Variants in CACNA2D3 observed in about 807,000 individuals in gnomAD.
The protein encoded by CACNA2D3 is calcium voltage-gated channel auxiliary subunit alpha2delta 3.
In CACNA2D3, 60 loss-of-function variants were observed where a neutral mutation model predicts 160.6. The ratio of observed to expected loss-of-function variants is 0.37; its 90% confidence interval spans 0.30 to 0.46. The LOEUF (loss-of-function observed/expected upper bound fraction) is 0.46, where lower values mean the gene tolerates loss of function less well. Among genes scored for constraint, CACNA2D3 ranks in the 20% least tolerant of loss-of-function variants. CACNA2D3 has a pLI of 1.00. For missense variants in CACNA2D3, 1,205 were observed against 1,365.0 expected (o/e 0.88, Z 1.85); for synonymous variants, 558 against 492.9 (o/e 1.13, Z -1.75).
intron 26 of CACNA2D3, 110 bp from the exon 27 acceptor site, chr3:54,899,655 GAGGACTCTGGGGCCTGGGACCAA>G: frequency 1.5e-6 from 1 of 656,758 alleles, no homozygotes; most frequent in Non-Finnish European, 2.7e-6. Flanking sequence ...CCACACCTCA[GAGGACTCTGGGGCCTGGGACCAA>G]GCCCCAGAAC....
rs531079233 is a variant in CACNA2D3, at chr3:55,053,492, A to G, written c.2988-19953A>G. On this transcript the variant is annotated intron_variant, in intron 35 of 37. Coordinates refer to ENST00000474759, the MANE Select transcript of CACNA2D3 (RefSeq NM_018398.3). ...CTAACAGCAATGATTCATGATTTTC[A>G]GTAGTATATAGTTCCTGCACATCTG... 1.1e-3 allele frequency among the ~76,000 whole-genome samples: 172 copies of G among 152,098 alleles called. 4 individuals are homozygous for G. In the South Asian group the frequency reaches 0.035, roughly 31 times the overall value.
intron 2 of CACNA2D3, among the ~76,000 whole-genome samples, chr3:54,238,276 G>A (rs989582373): frequency 2.6e-5 from 4 of 152,098 alleles, no homozygotes; most frequent in Admixed American, 1.3e-4. Context: ...TTTTAGTCAC[G>A]TAATCTTTTA....
chr3:54,355,040 T>C (rs1489063872), intron 3 of CACNA2D3, among the ~76,000 whole-genome samples: 1 of 152,240 alleles, frequency 6.6e-6, no homozygotes, highest in Admixed American at 6.5e-5. Flanking sequence ...ACAAACTTTA[T>C]AGTCATGGCA....
intron 17 of CACNA2D3, among the ~76,000 whole-genome samples, chr3:54,860,091 G>A (rs1044012573): frequency 6.6e-6 from 1 of 151,902 alleles, no homozygotes; most frequent in Non-Finnish European, 1.5e-5. Flanking sequence ...TTTAAATTGG[G>A]ACTGAGACCT....
chr3:54,439,022 T>C (rs532034433), intron 4 of CACNA2D3, among the ~76,000 whole-genome samples: 1 of 152,338 alleles, frequency 6.6e-6, no homozygotes, highest in East Asian at 1.9e-4. Flanking sequence ...ATTGATCACC[T>C]TGGCTGGATG....
At chr3:55,058,616 C>CAT (rs146677373) in intron 35 of CACNA2D3, among the ~76,000 whole-genome samples, 4,611 of 151,592 alleles carry the variant, frequency 0.03, 168 homozygotes, top group African/African-American at 0.086. Context: ...TTTAAAAATA[C>CAT]ATATATATAT....
intron 3 of CACNA2D3, among the ~76,000 whole-genome samples, chr3:54,375,838 G>A (rs1441368792): frequency 6.6e-6 from 1 of 152,106 alleles, no homozygotes; most frequent in Non-Finnish European, 1.5e-5. Flanking sequence ...AGAAGAGATG[G>A]CCGTGGCTTT....
At chr3:54,140,446 A>T (rs1699902329) in intron 2 of CACNA2D3, among the ~76,000 whole-genome samples, 1 of 152,108 alleles carries the variant, frequency 6.6e-6, no homozygotes, top group African/African-American at 2.4e-5. Context: ...CACTCGCCCC[A>T]CTTTCTCTCA....
intron 27 of CACNA2D3, among the ~76,000 whole-genome samples, chr3:54,944,827 G>A (rs1701573075): frequency 6.6e-6 from 1 of 152,082 alleles, no homozygotes; most frequent in African/African-American, 2.4e-5. Context: ...GTGTGTGTGT[G>A]TGTGTGTGTG....
At chr3:54,733,570 A>G (rs539275010) in intron 11 of CACNA2D3, among the ~76,000 whole-genome samples, 1 of 152,348 alleles carries the variant, frequency 6.6e-6, no homozygotes, top group African/African-American at 2.4e-5. Context: ...GAAGGTTAAC[A>G]TTAGGCCTCC....
intron 27 of CACNA2D3, among the ~76,000 whole-genome samples, chr3:54,932,079 G>A (rs1427083780): frequency 6.6e-6 from 1 of 152,144 alleles, no homozygotes; most frequent in African/African-American, 2.4e-5. Context: ...CTACTCGGGA[G>A]GCTGAGGTAG....
At chr3:54,882,490 A>G (rs961825642) in intron 21 of CACNA2D3, among the ~76,000 whole-genome samples, 2 of 152,154 alleles carry the variant, frequency 1.3e-5, no homozygotes, top group African/African-American at 2.4e-5. Context: ...TGTATGTTCC[A>G]CAGCTGTGAG....
chr3:54,799,492 GT>G (rs1476099809), intron 13 of CACNA2D3, among the ~76,000 whole-genome samples: 1 of 152,124 alleles, frequency 6.6e-6, no homozygotes, highest in Non-Finnish European at 1.5e-5. Flanking sequence ...TTCTAGTTAA[GT>G]TACTATACAG....
At chr3:54,869,890 T>C (rs2694125) in intron 17 of CACNA2D3, among the ~76,000 whole-genome samples, 83,923 of 152,146 alleles carry the variant, frequency 0.55, 25,154 homozygotes, top group East Asian at 0.87. Context: ...TTGTTTACAG[T>C]GGCTTCTGAG....
rs556129993 is a variant in CACNA2D3 at position 54,955,530 on chromosome 3, A to G, written c.2450-12920A>G. ...AAGAGAGTCCCTCCCTGCACTTAGG[A>G]TAAGAGGAGAAACAATACTAAGCTA... On this transcript the variant is annotated intron_variant, in intron 27 of 37. Coordinates refer to ENST00000474759, the MANE Select transcript of CACNA2D3 (RefSeq NM_018398.3). Among the ~76,000 whole-genome samples, 54 of 152,270 alleles carry G rather than the reference A, an allele frequency of 3.5e-4. 1 individual carries two copies. Among genetic ancestry groups the G allele is most frequent in the Middle Eastern group, 6.8e-3 (2 of 294 alleles).
chr3:54,529,458 C>T lies in CACNA2D3; in HGVS notation c.544+25804C>T, dbSNP rs531145337. Among the ~76,000 whole-genome samples, 35 of 152,300 alleles carry T rather than the reference C, an allele frequency of 2.3e-4. 1 individual carries two copies. The South Asian group carries it at 7.1e-3, about 31-fold the overall frequency. On this transcript the variant is annotated intron_variant, in intron 5 of 37. Coordinates refer to ENST00000474759, the MANE Select transcript of CACNA2D3 (RefSeq NM_018398.3). ...AGCCATTAAGAATCCAGCTTTGAAG[C>T]CCCCAAAGACCTGGATTTGACCCCT...
intron 14 of CACNA2D3, among the ~76,000 whole-genome samples, chr3:54,817,504 C>T (rs1384319020): frequency 1.3e-5 from 2 of 152,148 alleles, no homozygotes; most frequent in African/African-American, 2.4e-5. Context: ...CATAGCATGT[C>T]GTTGTATCCT....
intron 25 of CACNA2D3, chr3:54,896,516 T>C (rs899886418): frequency 2.5e-5 from 13 of 517,980 alleles, no homozygotes; most frequent in South Asian, 2.3e-4. Flanking sequence ...TCACTAGATA[T>C]ACAAGGAAAA....
chr3:54,467,853 A>G lies in CACNA2D3; in HGVS notation c.382-35639A>G, dbSNP rs1182978868. The stretch of plus-strand genomic sequence containing the variant: ...TAAGAATGACATATTCTATATTTCA[A>G]AGTAGCTGGAAGAGAGGTTTTGAAA... On this transcript the variant is annotated intron_variant, in intron 4 of 37. Transcript: ENST00000474759. 4.6e-5 allele frequency among the ~76,000 whole-genome samples: 7 copies of G among 152,322 alleles called. No homozygotes were observed. The East Asian group carries it at 7.7e-4, about 17-fold the overall frequency.
Sources: allele counts gnomAD v4.1 joint callset (sites outside exome capture counted in the v4.1 genomes callset), GRCh38; gene constraint gnomAD v4.1.1; transcripts MANE v1.5; gene names NCBI Gene and HGNC (gene_info 2026-07-23, HGNC 2026-07-21).